Variants in CA10 observed in about 807,000 individuals in gnomAD.
CA10 encodes the protein carbonic anhydrase 10 (inactive).
Under a neutral mutation model 44.2 loss-of-function variants are expected in CA10, and 14 were observed. That is an observed-to-expected ratio of 0.32 (90% CI 0.21 to 0.50). The LOEUF is 0.50. CA10 is among the 20% of genes least tolerant of loss of function. The probability of loss-of-function intolerance (pLI) is 0.99; values close to 1 mark genes in which losing one functional copy is unlikely to be tolerated. For synonymous variants in CA10, 159 were observed against 141.6 expected (o/e 1.12, Z -0.87); for missense variants, 350 against 409.7 (o/e 0.85, Z 1.26).
In CA10 at chr17:51,931,025, G is replaced by T. The variant is rs1415384842; in HGVS notation, c.244C>A (p.Leu82Met). Residue 82 changes from leucine (L) to methionine (M), a missense_variant, in exon 3 of 9, where the codon CTG (leucine) becomes ATG (methionine). Leu to Met is a conservative substitution (Grantham distance 15). Coordinates refer to ENST00000451037, the MANE Select transcript of CA10 (RefSeq NM_020178.5). ...ETSHMIFDPF[L>M]TPLRINTGGR... ...CCCGTGTTGATGCGAAGAGGTGTCA[G>T]AAAGGGGTCGAAGATCATGTGACTG... 6.2e-7 allele frequency: 1 copy of T among 1,613,542 alleles called. No homozygotes were observed.
intron 2 of CA10, among the ~76,000 whole-genome samples, chr17:51,953,244 T>C (rs1000590676): frequency 9.9e-5 from 15 of 152,158 alleles, no homozygotes; most frequent in African/African-American, 3.4e-4. Context: ...TTTTCACAGA[T>C]GGCTATCTGG....
intron 4 of CA10, among the ~76,000 whole-genome samples, chr17:51,740,726 C>T (rs867046237): frequency 1.1e-4 from 17 of 152,330 alleles, no homozygotes; most frequent in Non-Finnish European, 1.9e-4. Flanking sequence ...TCCGCTCTTC[C>T]TTGCATGCTC....
chr17:52,154,761 C>T (rs1989770002), intron 1 of CA10, among the ~76,000 whole-genome samples: 1 of 152,206 alleles, frequency 6.6e-6, no homozygotes, highest in African/African-American at 2.4e-5. Context: ...GTAGCCAAAG[C>T]TGATGTGATC....
intron 4 of CA10, among the ~76,000 whole-genome samples, chr17:51,698,250 C>T (rs1915468800): frequency 1.3e-5 from 2 of 152,200 alleles, no homozygotes; most frequent in African/African-American, 4.8e-5. Context: ...GCTCCCTCAC[C>T]TTCCGTCTGG....
At chr17:52,087,499 A>G (rs1404526535) in intron 1 of CA10, among the ~76,000 whole-genome samples, 1 of 152,226 alleles carries the variant, frequency 6.6e-6, no homozygotes, top group Non-Finnish European at 1.5e-5. Flanking sequence ...AAGTAAGATT[A>G]GAGAAATTAA....
At chr17:51,944,870 A>G (rs144582622) in intron 2 of CA10, among the ~76,000 whole-genome samples, 2,233 of 152,256 alleles carry the variant, frequency 0.015, 25 homozygotes, top group Non-Finnish European at 0.022. Context: ...ATATTCTGTT[A>G]AACTGATTAA....
intron 2 of CA10, among the ~76,000 whole-genome samples, chr17:51,946,248 TAAAAAC>T (rs1411592051): frequency 6.6e-6 from 1 of 152,150 alleles, no homozygotes; most frequent in African/African-American, 2.4e-5. Context: ...TAATTACAGT[TAAAAAC>T]AATGCATTGT....
At chr17:51,690,822 T>G (rs916485492) in intron 4 of CA10, among the ~76,000 whole-genome samples, 1 of 152,152 alleles carries the variant, frequency 6.6e-6, no homozygotes, top group Non-Finnish European at 1.5e-5. Flanking sequence ...AACATGTAAG[T>G]GAGATCTTGT....
rs1175518734 is a variant in CA10 at position 51,874,377 on chromosome 17, G to A, written c.279+56613C>T. On this transcript the variant is annotated intron_variant, in intron 3 of 8. Transcript: ENST00000451037. ...ATTTCTCATCTGAGCATCTACTCTT[G>A]GAGTAATTATTAAAAAAAAAAAAAA... 6.1e-5 allele frequency among the ~76,000 whole-genome samples: 9 copies of A among 146,878 alleles called. No homozygotes were observed. The East Asian group carries it at 1.8e-3, about 30-fold the overall frequency.
chr17:51,770,226 C>T (rs777451363), intron 3 of CA10, among the ~76,000 whole-genome samples: 1 of 151,688 alleles, frequency 6.6e-6, no homozygotes, highest in Non-Finnish European at 1.5e-5. Context: ...ACACCCTCCC[C>T]GCCCCGCCCA....
intron 4 of CA10, among the ~76,000 whole-genome samples, chr17:51,677,754 T>G (rs990679768): frequency 6.6e-6 from 1 of 152,204 alleles, no homozygotes; most frequent in Non-Finnish European, 1.5e-5. Context: ...ATGTTTGTCA[T>G]CCAAGTGAAC....
intron 1 of CA10, among the ~76,000 whole-genome samples, chr17:52,146,299 C>T (rs916876498): frequency 6.6e-6 from 1 of 152,122 alleles, no homozygotes; most frequent in Non-Finnish European, 1.5e-5. Flanking sequence ...TTGGTTCACG[C>T]CTGTAATCCC....
intron 4 of CA10, among the ~76,000 whole-genome samples, chr17:51,727,402 T>TG (rs1417116420): frequency 6.6e-6 from 1 of 151,716 alleles, no homozygotes. Flanking sequence ...CAAGACGATT[T>TG]TTTTTTTTAC....
At chr17:52,070,347 TACCA>T (rs1225128226) in intron 2 of CA10, 1 of 4,858 alleles carries the variant, frequency 2.1e-4, no homozygotes, top group Non-Finnish European at 4.7e-3. Flanking sequence ...CTCAAGCAGA[TACCA>T]ACAACAATTG....
intron 3 of CA10, among the ~76,000 whole-genome samples, chr17:51,826,707 C>T (rs947777125): frequency 1.3e-5 from 2 of 152,114 alleles, no homozygotes; most frequent in African/African-American, 4.8e-5. Flanking sequence ...TTGGGTTTGG[C>T]CAATGAGGGG....
At chr17:51,962,230 T>A (rs1354713546) in intron 2 of CA10, among the ~76,000 whole-genome samples, 2 of 152,242 alleles carry the variant, frequency 1.3e-5, no homozygotes, top group East Asian at 3.9e-4. Flanking sequence ...CTTTCCTGAA[T>A]CAGGAGTTTA....
At chr17:52,067,139 A>G (rs1183168850) in intron 2 of CA10, among the ~76,000 whole-genome samples, 1 of 152,220 alleles carries the variant, frequency 6.6e-6, no homozygotes, top group Non-Finnish European at 1.5e-5. Flanking sequence ...GGCATGTCAA[A>G]GGTCTTTACA....
intron 2 of CA10, among the ~76,000 whole-genome samples, chr17:51,988,922 T>C (rs1372845011): frequency 2.0e-5 from 3 of 152,060 alleles, no homozygotes; most frequent in Non-Finnish European, 4.4e-5. Context: ...TTCACCTTTT[T>C]TTGGATGTCT....
At chr17:51,953,451 T>A (rs1416114458) in intron 2 of CA10, among the ~76,000 whole-genome samples, 2 of 143,264 alleles carry the variant, frequency 1.4e-5, no homozygotes, top group African/African-American at 5.0e-5. Flanking sequence ...CCCTGGATAT[T>A]TTTGTTTTTT....
Sources: allele counts gnomAD v4.1 joint callset (sites outside exome capture counted in the v4.1 genomes callset), GRCh38; gene constraint gnomAD v4.1.1; transcripts MANE v1.5; gene names NCBI Gene and HGNC (gene_info 2026-07-23, HGNC 2026-07-21).